The following TMEM131L variants were observed in gnomAD, a reference collection of about 807,000 sequenced individuals.
TMEM131L encodes transmembrane 131 like, also known as transmembrane protein 131-like.
A neutral mutation model predicts 192.2 loss-of-function variants in TMEM131L; 54 were observed. That is an observed-to-expected ratio of 0.28 (90% CI 0.23 to 0.35). The LOEUF (loss-of-function observed/expected upper bound fraction) is 0.35, where lower values mean the gene tolerates loss of function less well. Among genes scored for constraint, TMEM131L ranks in the 10% least tolerant of loss-of-function variants. The pLI is 1.00. For synonymous variants in TMEM131L, 701 were observed against 704.9 expected (o/e 0.99, Z 0.09); for missense variants, 1,888 against 1,972.9 (o/e 0.96, Z 0.82).
chr4:153,500,493 T>C (rs1278596085), intron 3 of TMEM131L, among the ~76,000 whole-genome samples: 1 of 152,236 alleles, frequency 6.6e-6, no homozygotes, highest in Non-Finnish European at 1.5e-5. Context: ...TGAATCCATT[T>C]CTTTTTTGGT....
chr4:153,576,978 C>G (rs766890195), intron 7 of TMEM131L, among the ~76,000 whole-genome samples: 1 of 152,104 alleles, frequency 6.6e-6, no homozygotes, highest in African/African-American at 2.4e-5. Context: ...CTTAGAATCT[C>G]CTGGCGTAGG....
intron 3 of TMEM131L, among the ~76,000 whole-genome samples, chr4:153,475,167 G>T (rs1197189192): frequency 6.6e-6 from 1 of 152,196 alleles, no homozygotes; most frequent in Non-Finnish European, 1.5e-5. Flanking sequence ...ATTGGTGTTT[G>T]TTAGGAAAAA....
chr4:153,614,521 G>C lies in TMEM131L; in HGVS notation c.3567+2121G>C, dbSNP rs1732841968. ...CTATTGAAGGTTTCTGAGTTGGTGG[G>C]GGGCGGCGGGGTGGACAGTGGTTAA... On this transcript the variant is annotated intron_variant, in intron 26 of 34. Coordinates refer to ENST00000409959, the MANE Select transcript of TMEM131L (RefSeq NM_001131007.2). Among the ~76,000 whole-genome samples the C allele has an allele frequency of 2.6e-5, 4 of 152,144 alleles. No homozygotes were observed. The South Asian group carries it at 8.3e-4, about 32-fold the overall frequency.
At chr4:153,520,334 A>G (rs1029763876) in intron 3 of TMEM131L, among the ~76,000 whole-genome samples, 6 of 152,070 alleles carry the variant, frequency 3.9e-5, no homozygotes, top group Admixed American at 1.3e-4. Context: ...AGCTGGGTGT[A>G]GTGGCACTCG....
intron 25 of TMEM131L, among the ~76,000 whole-genome samples, chr4:153,611,265 T>C (rs1732592931): frequency 6.6e-6 from 1 of 152,200 alleles, no homozygotes; most frequent in Non-Finnish European, 1.5e-5. Context: ...ATCTGTTCTG[T>C]TTTCATCTTT....
chr4:153,617,093 A>T (rs376505382), intron 26 of TMEM131L, among the ~76,000 whole-genome samples: 1 of 152,104 alleles, frequency 6.6e-6, no homozygotes, highest in South Asian at 2.1e-4. Context: ...GAGGAACCCT[A>T]TGGGAGGTGG....
At chr4:153,578,325 C>T (rs184384871) in intron 7 of TMEM131L, among the ~76,000 whole-genome samples, 13 of 152,140 alleles carry the variant, frequency 8.5e-5, no homozygotes, top group Non-Finnish European at 1.6e-4. Context: ...CTGTGAATTG[C>T]CACTGTGCTT....
chr4:153,577,590 A>G, intron 7 of TMEM131L, among the ~76,000 whole-genome samples: 1 of 152,220 alleles, frequency 6.6e-6, no homozygotes, highest in South Asian at 2.1e-4. Flanking sequence ...GCTGACAAAA[A>G]TAAGCAGCAA....
intron 3 of TMEM131L, among the ~76,000 whole-genome samples, chr4:153,479,528 T>C (rs1244372182): frequency 6.6e-6 from 1 of 152,226 alleles, no homozygotes; most frequent in Non-Finnish European, 1.5e-5. Flanking sequence ...TTTTGAGTTA[T>C]ATTTGAATAG....
intron 3 of TMEM131L, among the ~76,000 whole-genome samples, chr4:153,493,345 C>CAAAAAAAAAAAAAAAAAAAAAAAAA (rs35052272): frequency 2.7e-5 from 2 of 72,862 alleles, no homozygotes; most frequent in African/African-American, 1.3e-4. Context: ...GACTCTGTCT[C>CAAAAAAAAAAAAAAAAAAAAAAAAA]AAAAAAAAAA....
chr4:153,617,886 A>G (rs1170321482), intron 26 of TMEM131L, among the ~76,000 whole-genome samples: 3 of 138,204 alleles, frequency 2.2e-5, no homozygotes, highest in Non-Finnish European at 4.8e-5. Flanking sequence ...TTGCTTTTGC[A>G]TTTGTTTCAT....
intron 7 of TMEM131L, among the ~76,000 whole-genome samples, chr4:153,562,399 A>T (rs1728907607): frequency 6.6e-6 from 1 of 152,198 alleles, no homozygotes; most frequent in Admixed American, 6.5e-5. Flanking sequence ...AACCTAAGAA[A>T]TAATTGTGGC....
intron 3 of TMEM131L, among the ~76,000 whole-genome samples, chr4:153,534,685 G>A (rs1001796307): frequency 3.3e-5 from 5 of 152,114 alleles, no homozygotes; most frequent in Admixed American, 1.3e-4. Context: ...CGCCCGCCTC[G>A]GCCTCCCAAT....
At chr4:153,527,213 G>A (rs531685924) in intron 3 of TMEM131L, among the ~76,000 whole-genome samples, 137 of 152,186 alleles carry the variant, frequency 9.0e-4, no homozygotes, top group African/African-American at 3.1e-3. Context: ...CAAGGGGGAG[G>A]TGAAAGTAAT....
chr4:153,516,257 C>T lies in TMEM131L; in HGVS notation c.240-33816C>T, dbSNP rs866047703. ...TGTTCTATAATTTTAAAATCTAATT[C>T]TTTGTTTTTTCACCCAGGCTGGATT... On this transcript the variant is annotated intron_variant, in intron 3 of 34. Coordinates refer to ENST00000409959, the MANE Select transcript of TMEM131L (RefSeq NM_001131007.2). Among the ~76,000 whole-genome samples, 20 of 152,054 alleles carry T rather than the reference C, an allele frequency of 1.3e-4. No individual in the cohort carries two copies. The East Asian group carries it at 1.4e-3, about 10-fold the overall frequency.
chr4:153,632,922 T>G, intron 32 of TMEM131L, 84 bp downstream of exon 32: 1 of 1,521,982 alleles, frequency 6.6e-7, no homozygotes, highest in Non-Finnish European at 9.0e-7. Flanking sequence ...TAGGGTTTCC[T>G]TACAAAAATG....
chr4:153,630,024 C>A (rs146148721), intron 31 of TMEM131L, among the ~76,000 whole-genome samples: 1 of 152,332 alleles, frequency 6.6e-6, no homozygotes, highest in African/African-American at 2.4e-5. Flanking sequence ...AGACACTCTT[C>A]CTTCTGAGAC....
At chr4:153,520,055 C>T (rs7654485) in intron 3 of TMEM131L, among the ~76,000 whole-genome samples, 12,004 of 152,134 alleles carry the variant, frequency 0.079, 1,244 homozygotes, top group African/African-American at 0.24. Flanking sequence ...TCCATATCTG[C>T]ACTGACTTTG....
chr4:153,635,008 C>CT (rs1219150709), intron 33 of TMEM131L, among the ~76,000 whole-genome samples: 1 of 152,168 alleles, frequency 6.6e-6, no homozygotes, highest in African/African-American at 2.4e-5. Flanking sequence ...TTAATGGTAT[C>CT]TAAGGAGTCC....
Sources: allele counts gnomAD v4.1 joint callset (sites outside exome capture counted in the v4.1 genomes callset), GRCh38; gene constraint gnomAD v4.1.1; transcripts MANE v1.5; gene names NCBI Gene and HGNC (gene_info 2026-07-23, HGNC 2026-07-21).